MCCC1: variants seen among roughly 807,000 people sequenced by gnomAD.
The protein encoded by MCCC1 is methylcrotonoyl-CoA carboxylase subunit alpha, mitochondrial.
Under a neutral mutation model 83.8 loss-of-function variants are expected in MCCC1, and 64 were observed. That is an observed-to-expected ratio of 0.76 (90% CI 0.62 to 0.94). The LOEUF is 0.94. MCCC1 is among the 40% of genes least tolerant of loss of function. MCCC1 has a pLI of 0.00. For synonymous variants in MCCC1, 322 were observed against 315.4 expected (o/e 1.02, Z -0.22); for missense variants, 807 against 904.7 (o/e 0.89, Z 1.39).
intron 1 of MCCC1, among the ~76,000 whole-genome samples, chr3:183,098,218 C>T (rs866781856): frequency 2.0e-5 from 3 of 152,232 alleles, no homozygotes; most frequent in Non-Finnish European, 2.9e-5. Context: ...CGTGAGCTAC[C>T]GCGCCCCGCC....
chr3:183,099,205 C>A, intron 1 of MCCC1, 147 bp downstream of exon 1: 1 of 870,720 alleles, frequency 1.1e-6, no homozygotes, highest in East Asian at 2.7e-5. Context: ...CCGTGACTGC[C>A]GGCAGAACCC....
At chr3:183,055,963 G>T (rs1310548184) in intron 8 of MCCC1, among the ~76,000 whole-genome samples, 8 of 152,130 alleles carry the variant, frequency 5.3e-5, no homozygotes, top group African/African-American at 1.9e-4. Context: ...TTTGTTTCAG[G>T]ATGATAAGCA....
rs1303264213 is a variant in MCCC1, at chr3:183,099,429, GGCC to G, written c.9_11del (p.Ala4del). On this transcript the variant is annotated inframe_deletion, in exon 1 of 19. Coordinates refer to ENST00000265594, the MANE Select transcript of MCCC1 (RefSeq NM_020166.5). ...CCACCAGCAGCACCGACACCGCAGAGGCCGCCGCCATGTCCCTGGAGCCCGGCC... is the reference window on the plus strand; with the variant it reads ...CCACCAGCAGCACCGACACCGCAGAGGCCGCCATGTCCCTGGAGCCCGGCC... 1.2e-6 allele frequency: 2 copies of G among 1,605,520 alleles called. No individual in the cohort carries two copies. The highest frequency in any genetic ancestry group is 1.7e-6 in the Non-Finnish European group (2 of 1,177,206).
In MCCC1 at chr3:183,092,457, A is replaced by T; in HGVS notation, c.225T>A (p.Thr75=). ...MRTAKKLGVQ[T]VAVYSEADRN... is the part of the protein sequence containing the mutation. Reference sequence around the variant, plus strand: ...TGTCAGCCTCACTATAAACCGCCACAGTCTGTACACCCAGTTTTTTGGCTG... The same window carrying T: ...TGTCAGCCTCACTATAAACCGCCACTGTCTGTACACCCAGTTTTTTGGCTG... The change falls in exon 3 of 19, where the codon ACT becomes ACA. Residue 75 remains threonine (T), a synonymous_variant. Coordinates refer to ENST00000265594, the MANE Select transcript of MCCC1 (RefSeq NM_020166.5). 1.2e-6 allele frequency: 2 copies of T among 1,614,220 alleles called. No homozygotes were observed. Among genetic ancestry groups the T allele is most frequent in the Non-Finnish European group, 1.7e-6 (2 of 1,180,032 alleles).
In MCCC1 at chr3:183,062,131, G is replaced by C. The variant is rs550295964; in HGVS notation, c.762-4709C>G. 1.1e-4 allele frequency among the ~76,000 whole-genome samples: 16 copies of C among 152,250 alleles called. 1 individual carries two copies. The South Asian group carries it at 2.7e-3, about 26-fold the overall frequency. Reference sequence around the variant, plus strand: ...CCTCCCCAGCCATGTGGAACTGTGAGTCCATTAAACCTCTTTCCTTTATAA... The same window carrying C: ...CCTCCCCAGCCATGTGGAACTGTGACTCCATTAAACCTCTTTCCTTTATAA... On this transcript the variant is annotated intron_variant, in intron 7 of 18. Transcript: ENST00000265594.
rs796442778 is a variant in MCCC1, at chr3:183,052,881, G to A, written c.874-641C>T. ...ATATAATACTTGATAATACAACTACGCTATTGTTTTTTTAATTTACTATAC... is the reference window on the plus strand; with the variant it reads ...ATATAATACTTGATAATACAACTACACTATTGTTTTTTTAATTTACTATAC... On this transcript the variant is annotated intron_variant, in intron 8 of 18. Coordinates refer to ENST00000265594, the MANE Select transcript of MCCC1 (RefSeq NM_020166.5). Among the ~76,000 whole-genome samples, 75 of 148,042 alleles carry A rather than the reference G, an allele frequency of 5.1e-4. 1 individual carries two copies. Among genetic ancestry groups the A allele is most frequent in the African/African-American group, 1.7e-3 (69 of 39,978 alleles).
chr3:183,091,993 A>T (rs1419624345), intron 3 of MCCC1, among the ~76,000 whole-genome samples: 1 of 151,946 alleles, frequency 6.6e-6, no homozygotes, highest in Non-Finnish European at 1.5e-5. Context: ...CGGAGCTTGC[A>T]GTGAGTCGGG....
At position 183,021,990 on chromosome 3, in the gene MCCC1, C is replaced by T. The variant is rs182753925; in HGVS notation, c.1869+427G>A. 3.8e-3 allele frequency among the ~76,000 whole-genome samples: 574 copies of T among 152,164 alleles called. 1 individual carries two copies. Among genetic ancestry groups the T allele is most frequent in the Admixed American group, 5.8e-3 (88 of 15,258 alleles). ...ACCTTCCTACTGTCCACCTTCCCCA[C>T]AAGGAACAACTGGTCCACAGACTCC... On this transcript the variant is annotated intron_variant, in intron 16 of 18. Transcript: ENST00000265594.
intron 18 of MCCC1, among the ~76,000 whole-genome samples, chr3:183,016,700 G>A (rs552122574): frequency 6.6e-6 from 1 of 152,304 alleles, no homozygotes; most frequent in African/African-American, 2.4e-5. Context: ...CAACGTGTAT[G>A]GTTTTGCACC....
intron 16 of MCCC1, among the ~76,000 whole-genome samples, chr3:183,021,668 A>C (rs548109426): frequency 1.1e-3 from 167 of 152,258 alleles, no homozygotes; most frequent in African/African-American, 3.8e-3. Context: ...TGAGTTTTTC[A>C]CCATTCCATT....
At chr3:183,112,415 C>T in intron 1 of MCCC1, among the ~76,000 whole-genome samples, 1 of 152,162 alleles carries the variant, frequency 6.6e-6, no homozygotes, top group Non-Finnish European at 1.5e-5. Flanking sequence ...AAGAAGGCTG[C>T]AGTGGCTCCT....
At chr3:183,103,298 A>T (rs1272437801), upstream of MCCC1, among the ~76,000 whole-genome samples, 2 of 152,092 alleles carry the variant, frequency 1.3e-5, no homozygotes, top group Non-Finnish European at 2.9e-5. Flanking sequence ...GCGGGTTGGC[A>T]CTACTCGCTC....
At chr3:183,044,221 A>G (rs184838713) in intron 10 of MCCC1, among the ~76,000 whole-genome samples, 21 of 152,360 alleles carry the variant, frequency 1.4e-4, no homozygotes, top group Non-Finnish European at 2.9e-4. Flanking sequence ...AGGACCGTCT[A>G]TATTACTTAA....
At chr3:183,051,882 AAATC>A (rs1347382225) in intron 9 of MCCC1, among the ~76,000 whole-genome samples, 1 of 152,214 alleles carries the variant, frequency 6.6e-6, no homozygotes, top group Non-Finnish European at 1.5e-5. Context: ...AGAAGTAAAA[AAATC>A]AATCTAGTGA....
At chr3:183,028,671 A>G (rs1055053732) in intron 14 of MCCC1, among the ~76,000 whole-genome samples, 1 of 152,228 alleles carries the variant, frequency 6.6e-6, no homozygotes. Context: ...GTAACTGCAG[A>G]TGTGGTAGAA....
At chr3:183,084,491 A>G (rs1717747275) in intron 4 of MCCC1, among the ~76,000 whole-genome samples, 1 of 152,206 alleles carries the variant, frequency 6.6e-6, no homozygotes, top group Non-Finnish European at 1.5e-5. Flanking sequence ...TTTTACTTCA[A>G]GCTGTAACCA....
At chr3:183,059,257 C>T (rs374670084) in intron 7 of MCCC1, among the ~76,000 whole-genome samples, 4 of 152,046 alleles carry the variant, frequency 2.6e-5, no homozygotes, top group East Asian at 1.9e-4. Flanking sequence ...TGCAGTGGGC[C>T]GAGATCGTGC....
chr3:183,032,149 T>C (rs1170210908), intron 14 of MCCC1, among the ~76,000 whole-genome samples: 3 of 152,226 alleles, frequency 2.0e-5, no homozygotes, highest in African/African-American at 7.2e-5. Flanking sequence ...TTTTCAATTA[T>C]GTATTTATTT....
chr3:183,036,890 G>A (rs1333997858), intron 13 of MCCC1, among the ~76,000 whole-genome samples: 2 of 152,026 alleles, frequency 1.3e-5, no homozygotes, highest in Non-Finnish European at 2.9e-5. Flanking sequence ...AGCCAGGATG[G>A]TCTTGATCTC....
Sources: allele counts gnomAD v4.1 joint callset (sites outside exome capture counted in the v4.1 genomes callset), GRCh38; gene constraint gnomAD v4.1.1; transcripts MANE v1.5; gene names NCBI Gene and HGNC (gene_info 2026-07-23, HGNC 2026-07-21).